Variants in MTMR8 observed in about 807,000 individuals in gnomAD.
MTMR8 encodes myotubularin related protein 8.
Under a neutral mutation model 39.3 loss-of-function variants are expected in MTMR8, and 65 were observed. The observed-to-expected ratio is 1.65, with a 90% CI of 1.35 to 2.03. MTMR8 has a LOEUF of 2.03. Among genes scored for constraint, MTMR8 ranks in the 30% most tolerant of loss-of-function variants. MTMR8 has a pLI of 0.00. For synonymous variants in MTMR8, 245 were observed against 185.2 expected, an observed-to-expected ratio of 1.32 and a Z score of -2.62; for missense variants, 777 against 538.9, an observed-to-expected ratio of 1.44 and a Z score of -4.37.
intron 8 of MTMR8, among the ~76,000 whole-genome samples, chrX:64,337,948 C>T (rs908314766): frequency 8.9e-5 from 10 of 111,938 alleles, no homozygotes; most frequent in African/African-American, 2.9e-4. Context: ...ATTGACCACT[C>T]ATTTATTCAT....
intron 8 of MTMR8, among the ~76,000 whole-genome samples, chrX:64,342,260 G>A (rs1368532143): frequency 1.8e-5 from 2 of 112,662 alleles, no homozygotes; most frequent in Non-Finnish European, 3.7e-5. Flanking sequence ...AATAGCAGTG[G>A]AGACTGGGAA....
chrX:64,300,905 T>C (rs1226967007), intron 12 of MTMR8, among the ~76,000 whole-genome samples: 7 of 111,291 alleles, frequency 6.3e-5, no homozygotes, highest in East Asian at 2.8e-4. Flanking sequence ...AATATTGGCC[T>C]CCACTCTCTT....
intron 13 of MTMR8, among the ~76,000 whole-genome samples, chrX:64,269,523 T>C (rs960985812): frequency 1.3e-4 from 15 of 111,445 alleles, no homozygotes; most frequent in Admixed American, 2.9e-4. Flanking sequence ...ATCTGCCTGA[T>C]GCCAAAGTCT....
At chrX:64,391,561 G>C (rs990203700) in intron 1 of MTMR8, among the ~76,000 whole-genome samples, 1 of 111,668 alleles carries the variant, frequency 9.0e-6, no homozygotes, top group Non-Finnish European at 1.9e-5. Flanking sequence ...AGATCCCAGA[G>C]GGCAGTTGCC....
At position 64,268,546 on chromosome X, in the gene MTMR8, C is replaced by A. The variant is rs1292867635; in HGVS notation, c.2106G>T (p.Lys702Asn). ...KASTKEADYS[K>N]HQ ...AAGATGAGTAACTAACTCACTGATG[C>A]TTGGAGTAGTCTGCCTCCTTGGTGC... The change falls in exon 14 of 14, where the codon AAG becomes AAT. Residue 702 changes from lysine (K) to asparagine (N), a missense_variant. Coordinates refer to ENST00000374852, the MANE Select transcript of MTMR8 (RefSeq NM_017677.4). 1 of 1,204,040 alleles carries A rather than the reference C, an allele frequency of 8.3e-7. No individual in the cohort carries two copies.
intron 6 of MTMR8, among the ~76,000 whole-genome samples, chrX:64,347,233 T>G (rs1272612576): frequency 2.7e-5 from 3 of 110,441 alleles, no homozygotes; most frequent in Non-Finnish European, 5.7e-5. Context: ...GAGAGGAAAA[T>G]GGAACCTGTT....
At chrX:64,340,450 T>C (rs1195795409) in intron 8 of MTMR8, among the ~76,000 whole-genome samples, 1 of 110,507 alleles carries the variant, frequency 9.0e-6, no homozygotes, top group Non-Finnish European at 1.9e-5. Flanking sequence ...TAGAGGATGG[T>C]ATAGCTAAAT....
intron 1 of MTMR8, among the ~76,000 whole-genome samples, chrX:64,390,525 C>T (rs1409139687): frequency 8.9e-6 from 1 of 112,098 alleles, no homozygotes; most frequent in Non-Finnish European, 1.9e-5. Flanking sequence ...GGATAAAAAA[C>T]TCTAGCTCTC....
intron 1 of MTMR8, among the ~76,000 whole-genome samples, chrX:64,376,590 C>T (rs1209403554): frequency 8.9e-6 from 1 of 112,143 alleles, no homozygotes; most frequent in Non-Finnish European, 1.9e-5. Context: ...CTGGCTGCCT[C>T]TAACAGCATA....
chrX:64,287,689 A>G (rs1429003461), intron 12 of MTMR8, among the ~76,000 whole-genome samples: 1 of 109,927 alleles, frequency 9.1e-6, no homozygotes, highest in East Asian at 2.9e-4. Flanking sequence ...GATCTTTGAC[A>G]AACCTGACAA....
intron 1 of MTMR8, among the ~76,000 whole-genome samples, chrX:64,384,795 A>AT (rs1924516661): frequency 8.9e-6 from 1 of 112,371 alleles, no homozygotes; most frequent in African/African-American, 3.2e-5. Context: ...CTGTGATGGG[A>AT]GGGGCTGCCA....
chrX:64,272,897 G>A (rs1931791775), intron 12 of MTMR8, among the ~76,000 whole-genome samples: 1 of 111,465 alleles, frequency 9.0e-6, no homozygotes, highest in Admixed American at 9.6e-5. Context: ...AAGCACTGAA[G>A]GAAAACTAAA....
At chrX:64,286,418 C>T (rs1301029342) in intron 12 of MTMR8, among the ~76,000 whole-genome samples, 1 of 112,123 alleles carries the variant, frequency 8.9e-6, no homozygotes, top group African/African-American at 3.2e-5. Flanking sequence ...TCTGAAACTA[C>T]TCCAATCAAC....
intron 1 of MTMR8, among the ~76,000 whole-genome samples, chrX:64,367,829 T>G (rs1483401231): frequency 9.0e-6 from 1 of 111,655 alleles, no homozygotes; most frequent in Non-Finnish European, 1.9e-5. Flanking sequence ...TGTCCCTGTT[T>G]GCAGATGACA....
In MTMR8 at chrX:64,374,846, GAGA is replaced by G. The variant is rs1364277576; in HGVS notation, c.25-15322_25-15320del. Among the ~76,000 whole-genome samples the G allele has an allele frequency of 1.2e-4, 13 of 109,964 alleles. No individual in the cohort carries two copies. The East Asian group carries it at 3.2e-3, about 27-fold the overall frequency. ...ACAGACAGAGAGGAGACGGCACACA[GAGA>G]AGGATATGTGAAATGGAGGCAGAGA... On this transcript the variant is annotated intron_variant, in intron 1 of 13. Transcript: ENST00000374852.
intron 11 of MTMR8, among the ~76,000 whole-genome samples, chrX:64,330,909 A>C (rs1922922555): frequency 8.9e-6 from 1 of 111,848 alleles, no homozygotes; most frequent in Non-Finnish European, 1.9e-5. Flanking sequence ...ACTGATATTT[A>C]AATGTTAGCA....
chrX:64,301,807 C>A (rs1921888040), intron 12 of MTMR8, among the ~76,000 whole-genome samples: 1 of 111,731 alleles, frequency 9.0e-6, no homozygotes, highest in African/African-American at 3.3e-5. Flanking sequence ...ACAGGACCCT[C>A]TGTTGGAATA....
At chrX:64,368,737 A>G (rs1924046510) in intron 1 of MTMR8, among the ~76,000 whole-genome samples, 1 of 112,340 alleles carries the variant, frequency 8.9e-6, no homozygotes. Flanking sequence ...AGCAATGGCA[A>G]TGAAAGCCAA....
intron 1 of MTMR8, among the ~76,000 whole-genome samples, chrX:64,385,149 G>C (rs1018548277): frequency 7.1e-5 from 8 of 111,988 alleles, no homozygotes; most frequent in Non-Finnish European, 1.5e-4. Flanking sequence ...AACTTCCACA[G>C]ATCCCTAGGG....
Sources: allele counts gnomAD v4.1 joint callset (sites outside exome capture counted in the v4.1 genomes callset), GRCh38; gene constraint gnomAD v4.1.1; transcripts MANE v1.5; gene names NCBI Gene and HGNC (gene_info 2026-07-23, HGNC 2026-07-21).